ABCC1: variants seen among roughly 807,000 people sequenced by gnomAD.
ABCC1 encodes the protein multidrug resistance-associated protein 1.
In ABCC1, 83 loss-of-function variants were observed where a neutral mutation model predicts 172.9. The ratio of observed to expected loss-of-function variants is 0.48; its 90% CI spans 0.40 to 0.58. ABCC1 has a LOEUF of 0.58. Among genes scored for constraint, ABCC1 ranks in the 20% least tolerant of loss-of-function variants. ABCC1 has a pLI of 0.00. For missense variants in ABCC1, 1,817 were observed against 2,002.7 expected, an observed-to-expected ratio of 0.91 and a Z score of 1.77; for synonymous variants, 937 against 825.2, an observed-to-expected ratio of 1.14 and a Z score of -2.32.
intron 1 of ABCC1, among the ~76,000 whole-genome samples, chr16:15,986,095 T>C (rs435683): frequency 0.085 from 12,831 of 151,632 alleles, 646 homozygotes; most frequent in African/African-American, 0.14. Flanking sequence ...TCACCATGCC[T>C]GGCTAATTTT....
At chr16:15,983,552 C>CTT (rs11416710) in intron 1 of ABCC1, among the ~76,000 whole-genome samples, 4,930 of 126,488 alleles carry the variant, frequency 0.039, 243 homozygotes, top group African/African-American at 0.084. Flanking sequence ...GTACACCACA[C>CTT]TTTTTTTTTT....
intron 1 of ABCC1, among the ~76,000 whole-genome samples, chr16:15,989,096 G>GT (rs1197430268): frequency 6.9e-6 from 1 of 144,000 alleles, no homozygotes; most frequent in South Asian, 2.2e-4. Context: ...AAAAAAATTA[G>GT]TTTTGCATGT....
At chr16:16,133,370 CTTTT>C (rs1555504064) in intron 27 of ABCC1, among the ~76,000 whole-genome samples, 3 of 104,972 alleles carry the variant, frequency 2.9e-5, no homozygotes, top group Admixed American at 1.0e-4. Context: ...TTCTTGCTGT[CTTTT>C]TTTGTTTTTG....
At chr16:16,117,473 C>G (rs2044942198) in intron 23 of ABCC1, among the ~76,000 whole-genome samples, 1 of 152,148 alleles carries the variant, frequency 6.6e-6, no homozygotes, top group Non-Finnish European at 1.5e-5. Flanking sequence ...AACCATATAA[C>G]CACGGAAAGT....
At chr16:15,986,584 C>T (rs1403119686) in intron 1 of ABCC1, among the ~76,000 whole-genome samples, 3 of 152,186 alleles carry the variant, frequency 2.0e-5, no homozygotes, top group Admixed American at 6.6e-5. Context: ...CAGTTTCATC[C>T]TGAAAGCCAC....
intron 7 of ABCC1, among the ~76,000 whole-genome samples, chr16:16,037,346 C>G (rs552587489): frequency 1.4e-4 from 22 of 152,258 alleles, no homozygotes; most frequent in South Asian, 2.1e-4. Flanking sequence ...GGCTCTACCC[C>G]CTATGTAAGG....
At chr16:15,964,380 T>C (rs2046200808) in intron 1 of ABCC1, among the ~76,000 whole-genome samples, 2 of 152,200 alleles carry the variant, frequency 1.3e-5, no homozygotes, top group Non-Finnish European at 2.9e-5. Context: ...GCTGCCAGTC[T>C]CTTTGCTAAA....
intron 18 of ABCC1, among the ~76,000 whole-genome samples, chr16:16,087,870 G>A (rs2152009387): frequency 6.6e-6 from 1 of 152,242 alleles, no homozygotes; most frequent in East Asian, 1.9e-4. Context: ...TAGAGGTTTT[G>A]TATTTTTTTC....
intron 5 of ABCC1, among the ~76,000 whole-genome samples, chr16:16,026,138 A>ACGT (rs2048359361): frequency 1.3e-5 from 2 of 152,124 alleles, no homozygotes. Context: ...CGTCAGATAG[A>ACGT]GGCTGTTTCC....
At chr16:16,060,647 G>A (rs147916831) in intron 12 of ABCC1, among the ~76,000 whole-genome samples, 47 of 151,546 alleles carry the variant, frequency 3.1e-4, no homozygotes, top group Non-Finnish European at 5.6e-4. Flanking sequence ...TCAGTCCCCC[G>A]ACTAGCTGGG....
chr16:16,037,817 G>A (rs1407343306), intron 7 of ABCC1, among the ~76,000 whole-genome samples: 1 of 152,218 alleles, frequency 6.6e-6, no homozygotes, highest in African/African-American at 2.4e-5. Context: ...GGACATCCAT[G>A]TGCCAGCCAC....
At chr16:16,000,138 C>A (rs1271496397) in intron 1 of ABCC1, among the ~76,000 whole-genome samples, 5 of 151,898 alleles carry the variant, frequency 3.3e-5, no homozygotes, top group Admixed American at 2.6e-4. Flanking sequence ...CAGGCGTGAG[C>A]CACCGCTCCT....
At chr16:15,994,525 A>G (rs549363895) in intron 1 of ABCC1, among the ~76,000 whole-genome samples, 12 of 152,312 alleles carry the variant, frequency 7.9e-5, no homozygotes, top group African/African-American at 2.2e-4. Flanking sequence ...GGCACCCAAT[A>G]AATACATGCT....
chr16:16,099,168 G>A (rs538923607), intron 19 of ABCC1, among the ~76,000 whole-genome samples: 17 of 152,326 alleles, frequency 1.1e-4, no homozygotes, highest in Admixed American at 7.8e-4. Context: ...CATGCATCAC[G>A]TTACCGTGAC....
At chr16:16,005,819 A>G (rs75720325) in intron 1 of ABCC1, among the ~76,000 whole-genome samples, 14,979 of 152,086 alleles carry the variant, frequency 0.098, 861 homozygotes, top group African/African-American at 0.15. Flanking sequence ...AAATTAGCCA[A>G]GCGGGGTGAC....
At chr16:16,006,951 T>C (rs914900260) in intron 1 of ABCC1, among the ~76,000 whole-genome samples, 4 of 151,124 alleles carry the variant, frequency 2.6e-5, no homozygotes, top group Admixed American at 1.3e-4. Flanking sequence ...GGCAGTGATA[T>C]TGGTGGTGGT....
chr16:16,085,189 C>G (rs151291520), intron 17 of ABCC1, among the ~76,000 whole-genome samples: 96 of 152,286 alleles, frequency 6.3e-4, no homozygotes, highest in African/African-American at 2.3e-3. Context: ...GACCCTCCCT[C>G]CTGCTGTGCT....
At chr16:16,015,068 G>T (rs993370687) in intron 4 of ABCC1, among the ~76,000 whole-genome samples, 1 of 151,940 alleles carries the variant, frequency 6.6e-6, no homozygotes, top group Non-Finnish European at 1.5e-5. Context: ...TTGCTGCTCT[G>T]GCTGGGGAAG....
At position 16,141,597 on chromosome 16, in the gene ABCC1, G is replaced by A. The variant is rs778676206; in HGVS notation, c.*316G>A. Reference sequence around the variant, plus strand: ...GTTTCCTGGTGCTTCCCACGGAGGAGTTTTGGCAGCCAGACTTCTGGAGGA... The same window carrying A: ...GTTTCCTGGTGCTTCCCACGGAGGAATTTTGGCAGCCAGACTTCTGGAGGA... On this transcript the variant is annotated 3_prime_UTR_variant, in exon 31 of 31. Transcript: ENST00000399410. 19 of 348,946 alleles carry A rather than the reference G, an allele frequency of 5.4e-5. No homozygotes were observed. Among genetic ancestry groups the A allele is most frequent in the Non-Finnish European group, 8.4e-5 (16 of 190,410 alleles). The allele number at this position is 348,946 out of a possible 1,614,324, so 21.6% of individuals were successfully genotyped here.
Sources: gnomAD v4.1 joint callset for allele counts (sites outside exome capture counted in the v4.1 genomes callset) on GRCh38, gnomAD v4.1.1 for gene constraint, MANE v1.5 for transcripts, NCBI Gene and HGNC (gene_info 2026-07-23, HGNC 2026-07-21) for gene names.